Variants in CATSPERB observed in about 807,000 individuals in gnomAD.
CATSPERB encodes the protein catsper channel auxiliary subunit beta.
Under a neutral mutation model 128.3 loss-of-function variants are expected in CATSPERB, and 93 were observed. That is an observed-to-expected ratio of 0.72 (90% confidence interval 0.61 to 0.86). The LOEUF (loss-of-function observed/expected upper bound fraction) is 0.86, where lower values mean the gene tolerates loss of function less well. CATSPERB is among the 40% of genes least tolerant of loss of function. The pLI is 0.00. For synonymous variants in CATSPERB, 381 were observed against 448.8 expected (o/e 0.85, Z 1.91); for missense variants, 1,153 against 1,329.5 (o/e 0.87, Z 2.06).
intron 11 of CATSPERB, 122 bp from the exon 12 acceptor site, chr14:91,674,344 T>G (rs778365128): frequency 9.6e-5 from 58 of 606,502 alleles, no homozygotes; most frequent in Non-Finnish European, 1.6e-4. Flanking sequence ...AAACTTATGG[T>G]AAATGAAAAT....
chr14:91,715,590 C>T lies in CATSPERB; in HGVS notation c.370+3828G>A, dbSNP rs139373571. ...AAAAAAAAAAGATATTATTGACTTT[C>T]CCTAAACTGATCTATAGATTCAATG... On this transcript the variant is annotated intron_variant, in intron 5 of 26. Transcript: ENST00000256343. Among the ~76,000 whole-genome samples the T allele has an allele frequency of 8.8e-3, 1,320 of 150,588 alleles. 8 individuals are homozygous for T. The highest frequency in any genetic ancestry group is 0.053 in the Middle Eastern group (15 of 282).
chr14:91,646,782 G>A (rs1894614918), intron 15 of CATSPERB, among the ~76,000 whole-genome samples: 1 of 152,232 alleles, frequency 6.6e-6, no homozygotes. Flanking sequence ...ATGATGAATA[G>A]AGGCAGTGGT....
chr14:91,606,519 C>T (rs1484338068), intron 22 of CATSPERB, among the ~76,000 whole-genome samples: 2 of 152,188 alleles, frequency 1.3e-5, no homozygotes, highest in Non-Finnish European at 2.9e-5. Context: ...GCTGAGATCA[C>T]GCCACTGCAC....
At chr14:91,715,552 C>CAAAAAAAA (rs57554614) in intron 5 of CATSPERB, among the ~76,000 whole-genome samples, 1 of 45,632 alleles carries the variant, frequency 2.2e-5, no homozygotes, top group African/African-American at 7.6e-5. Flanking sequence ...GACTCCATCT[C>CAAAAAAAA]AAAAAAAAAA....
At chr14:91,591,593 A>G (rs2139760126) in intron 23 of CATSPERB, among the ~76,000 whole-genome samples, 1 of 151,776 alleles carries the variant, frequency 6.6e-6, no homozygotes, top group African/African-American at 2.4e-5. Flanking sequence ...TTTACAGACT[A>G]CAAGTTGCTT....
chr14:91,600,561 T>TCCAAAA (rs1452373527), intron 22 of CATSPERB, among the ~76,000 whole-genome samples: 1 of 152,260 alleles, frequency 6.6e-6, no homozygotes, highest in Non-Finnish European at 1.5e-5. Flanking sequence ...ACCAAACAGT[T>TCCAAAA]TTGCTCACGA....
intron 5 of CATSPERB, 100 bp downstream of exon 5, chr14:91,719,318 T>C (rs1307409878): frequency 1.2e-6 from 1 of 809,214 alleles, no homozygotes; most frequent in East Asian, 2.9e-5. Context: ...GGGATTTACA[T>C]GACATAACAA....
At chr14:91,607,447 G>A (rs1893731993) in intron 22 of CATSPERB, among the ~76,000 whole-genome samples, 1 of 151,976 alleles carries the variant, frequency 6.6e-6, no homozygotes, top group Non-Finnish European at 1.5e-5. Flanking sequence ...TCCACACAGA[G>A]GGATTTTCTG....
chr14:91,606,364 A>T (rs1412921109), intron 22 of CATSPERB, among the ~76,000 whole-genome samples: 1 of 151,852 alleles, frequency 6.6e-6, no homozygotes. Flanking sequence ...GGAGTTTGAG[A>T]CCAGCCTGGT....
chr14:91,586,593 G>GAGAGAT (rs1893306210), intron 26 of CATSPERB, among the ~76,000 whole-genome samples: 1 of 151,716 alleles, frequency 6.6e-6, no homozygotes, highest in African/African-American at 2.4e-5. Flanking sequence ...GAGAGAGAGA[G>GAGAGAT]ACAGAATGTT....
At chr14:91,654,942 A>T (rs1392540954) in intron 15 of CATSPERB, among the ~76,000 whole-genome samples, 2 of 152,172 alleles carry the variant, frequency 1.3e-5, no homozygotes, top group Non-Finnish European at 2.9e-5. Context: ...AAAGTAAGGT[A>T]AGAGAACAAA....
intron 10 of CATSPERB, among the ~76,000 whole-genome samples, chr14:91,690,022 T>C (rs1240131416): frequency 6.6e-6 from 1 of 152,222 alleles, no homozygotes. Flanking sequence ...AGACAGAGTC[T>C]AGCTCGGTCA....
chr14:91,660,431 G>A (rs1453110976), intron 14 of CATSPERB, among the ~76,000 whole-genome samples: 1 of 152,158 alleles, frequency 6.6e-6, no homozygotes, highest in Admixed American at 6.5e-5. Flanking sequence ...AGAGCCCCTT[G>A]TCATTTGCAA....
intron 14 of CATSPERB, among the ~76,000 whole-genome samples, chr14:91,660,316 G>A (rs1894855916): frequency 6.6e-6 from 1 of 152,210 alleles, no homozygotes; most frequent in South Asian, 2.1e-4. Context: ...AAAGAATGGA[G>A]TGCTGGGTGC....
intron 22 of CATSPERB, among the ~76,000 whole-genome samples, chr14:91,596,988 T>A (rs1893517493): frequency 6.6e-6 from 1 of 151,162 alleles, no homozygotes. Flanking sequence ...CTGGGTTCAC[T>A]CCATTCTCCT....
intron 26 of CATSPERB, among the ~76,000 whole-genome samples, chr14:91,584,604 T>A (rs1170667153): frequency 6.6e-6 from 1 of 152,220 alleles, no homozygotes; most frequent in Non-Finnish European, 1.5e-5. Context: ...GACAATGGAT[T>A]CTCTTAGTTT....
intron 5 of CATSPERB, among the ~76,000 whole-genome samples, chr14:91,715,847 A>G (rs1049919857): frequency 6.6e-6 from 1 of 152,206 alleles, no homozygotes; most frequent in African/African-American, 2.4e-5. Flanking sequence ...GGAGATAAAA[A>G]GTTTTCACAA....
At chr14:91,717,835 C>T (rs1459682714) in intron 5 of CATSPERB, among the ~76,000 whole-genome samples, 1 of 152,084 alleles carries the variant, frequency 6.6e-6, no homozygotes. Flanking sequence ...ATCTCCTTAC[C>T]TCTGAACATT....
chr14:91,597,970 T>C (rs1893537936), intron 22 of CATSPERB, among the ~76,000 whole-genome samples: 1 of 151,974 alleles, frequency 6.6e-6, no homozygotes, highest in Admixed American at 6.5e-5. Context: ...ATATGACAAC[T>C]TGATTATATA....
Sources: gnomAD v4.1 joint callset for allele counts (sites outside exome capture counted in the v4.1 genomes callset) on GRCh38, gnomAD v4.1.1 for gene constraint, MANE v1.5 for transcripts, NCBI Gene and HGNC (gene_info 2026-07-23, HGNC 2026-07-21) for gene names.